Variants in CALML5 observed in about 807,000 individuals in gnomAD.
CALML5 encodes calmodulin-like protein 5.
For missense variants in CALML5, 207 were observed against 206.6 expected, an observed-to-expected ratio of 1.00 and a Z score of -0.01; for synonymous variants, 101 against 96.8, an observed-to-expected ratio of 1.04 and a Z score of -0.25.
In CALML5 at chr10:5,498,935, A is replaced by C; in HGVS notation, c.*63T>G. The C allele has an allele frequency of 7.6e-7, 1 of 1,318,518 alleles. No individual in the cohort carries two copies. Among genetic ancestry groups the C allele is most frequent in the South Asian group, 1.5e-5 (1 of 67,282 alleles). The allele number at this position is 1,318,518 out of a possible 1,614,324, so 81.7% of individuals were successfully genotyped here. A position where few individuals can be genotyped will look rare whatever the true frequency, so the allele number is the denominator to read the frequency against. ...TTTCCCCGGAGAGTCCCAGCACAAA[A>C]GCAGCAGCGGGCGGTGGCCCTGAAG... On this transcript the variant is annotated 3_prime_UTR_variant, in exon 1 of 1. Coordinates refer to ENST00000380332, the MANE Select transcript of CALML5 (RefSeq NM_017422.5).
At position 5,499,483 on chromosome 10, in the gene CALML5, C is replaced by A. The variant is rs1833282764; in HGVS notation, c.-45G>T. On this transcript the variant is annotated 5_prime_UTR_variant, in exon 1 of 1. Transcript: ENST00000380332. ...CGCGGAGCCTCCGAGCTGCTGCCCACCGGCCCTCAACCTGCTGCTCTCAGA... is the reference window on the plus strand; with the variant it reads ...CGCGGAGCCTCCGAGCTGCTGCCCAACGGCCCTCAACCTGCTGCTCTCAGA... 6.5e-7 allele frequency: 1 copy of A among 1,540,280 alleles called. No individual in the cohort carries two copies. The highest frequency in any genetic ancestry group is 1.4e-5 in the African/African-American group (1 of 73,256).
In CALML5 at chr10:5,498,968, G is replaced by A. The variant is rs1194849116; in HGVS notation, c.*30C>T. On this transcript the variant is annotated 3_prime_UTR_variant, in exon 1 of 1. Transcript: ENST00000380332. The stretch of plus-strand genomic sequence containing the variant: ...CGGGCGGTGGCCCTGAAGGCTCAGA[G>A]CGCAGCCAGGGGGACACAGGCGGGG... The A allele has an allele frequency of 6.0e-6, 9 of 1,492,646 alleles. No homozygotes were observed. In the African/African-American group the frequency reaches 1.2e-4, roughly 20 times the overall value. The allele number at this position is 1,492,646 out of a possible 1,614,324, so 92.5% of individuals were successfully genotyped here.
rs1315789830 is a variant in CALML5, at chr10:5,498,808, A to G, written c.*190T>C. The G allele has an allele frequency of 5.0e-6, 3 of 596,410 alleles. No homozygotes were observed. The highest frequency in any genetic ancestry group is 8.8e-6 in the Non-Finnish European group (3 of 340,384). 36.9% of individuals were successfully genotyped at this position (596,410 alleles called of 1,614,324 possible). ...AGGCCTCCTTCTGCCCAAGGTCTGG[A>G]GGCAGAGAGGGGCTCGCAGGCGGCC... On this transcript the variant is annotated 3_prime_UTR_variant, in exon 1 of 1. Transcript: ENST00000380332.
At position 5,499,026 on chromosome 10, in the gene CALML5, T is replaced by C; in HGVS notation, c.413A>G (p.Glu138Gly). Residue 138 changes from glutamate to glycine, a missense_variant, in exon 1 of 1, where the codon GAG (glutamate) becomes GGG (glycine). Physicochemically the swap from Glu to Gly is moderately conservative, Grantham distance 98. Transcript: ENST00000380332. ...VDQDGRVNYE[E>G]FARMLAQE ...CTCCTGGGCGAGCATCCTCGCGAAC[T>C]CCTCGTAGTTCACCCGCCCGTCCTG... 6.3e-7 allele frequency: 1 copy of C among 1,580,634 alleles called. No individual in the cohort carries two copies. The highest frequency in any genetic ancestry group is 8.6e-7 in the Non-Finnish European group (1 of 1,167,118).
Position 5,499,093 on chromosome 10 carries a change from G to A in CALML5, c.346C>T (p.Gln116Ter), listed in dbSNP as rs374977723. ...AMAGLGQPLP[Q>*]EELDAMIREA... is the part of the protein sequence containing the mutation. The stretch of plus-strand genomic sequence containing the variant: ...CGGATCATGGCGTCCAGCTCCTCCT[G>A]CGGCAGCGGCTGCCCCAGCCCCGCC... The change falls in exon 1 of 1, where the codon CAG becomes TAG. Residue 116 changes from glutamine to a stop codon, truncating the protein, a stop_gained. Coordinates refer to ENST00000380332, the MANE Select transcript of CALML5 (RefSeq NM_017422.5). LOFTEE classifies it low-confidence loss of function (END_TRUNC). The A allele has an allele frequency of 1.3e-6, 2 of 1,598,818 alleles. No homozygotes were observed. Among genetic ancestry groups the A allele is most frequent in the South Asian group, 1.1e-5 (1 of 90,714 alleles).
Position 5,499,385 on chromosome 10 carries a change from G to A in CALML5, c.54C>T (p.Ser18=), listed in dbSNP as rs377606833. ...EEEAQYKKAF[S]AVDTDGNGTI... The stretch of plus-strand genomic sequence containing the variant: ...TGCCGTTTCCATCCGTGTCAACCGC[G>A]GAGAAAGCCTTTTTGTACTGGGCCT... The change falls in exon 1 of 1, where the codon TCC becomes TCT. Residue 18 remains serine, a synonymous_variant. Coordinates refer to ENST00000380332, the MANE Select transcript of CALML5 (RefSeq NM_017422.5). The A allele has an allele frequency of 3.5e-5, 56 of 1,614,158 alleles. No individual in the cohort carries two copies. The African/African-American group carries it at 5.5e-4, about 16-fold the overall frequency.
At position 5,498,823 on chromosome 10, in the gene CALML5, C is replaced by A; in HGVS notation, c.*175G>T. 1.6e-6 allele frequency: 1 copy of A among 615,066 alleles called. No individual in the cohort carries two copies. The highest frequency in any genetic ancestry group is 2.8e-6 in the Non-Finnish European group (1 of 355,784). The allele number at this position is 615,066 out of a possible 1,614,324, so 38.1% of individuals were successfully genotyped here. A position where few individuals can be genotyped will look rare whatever the true frequency, so the allele number is the denominator to read the frequency against. On this transcript the variant is annotated 3_prime_UTR_variant, in exon 1 of 1. Transcript: ENST00000380332. Reference sequence around the variant, plus strand: ...CAAGGTCTGGAGGCAGAGAGGGGCTCGCAGGCGGCCCGAGGGCGCCGCATC... The same window carrying A: ...CAAGGTCTGGAGGCAGAGAGGGGCTAGCAGGCGGCCCGAGGGCGCCGCATC...
In CALML5 at chr10:5,498,880, G is replaced by C. The variant is rs1036852199; in HGVS notation, c.*118C>G. The C allele has an allele frequency of 8.0e-5, 73 of 912,474 alleles. 1 individual carries two copies. The East Asian group carries it at 8.1e-4, about 10-fold the overall frequency. The allele number at this position is 912,474 out of a possible 1,614,324, so 56.5% of individuals were successfully genotyped here. On this transcript the variant is annotated 3_prime_UTR_variant, in exon 1 of 1. Coordinates refer to ENST00000380332, the MANE Select transcript of CALML5 (RefSeq NM_017422.5). Reference sequence around the variant, plus strand: ...CCGGAGCGCAAAGCCTTCCTCCCAGGGGGAGGCAGTTTCCCATCCACCGAC... The same window carrying C: ...CCGGAGCGCAAAGCCTTCCTCCCAGCGGGAGGCAGTTTCCCATCCACCGAC...
chr10:5,498,829 C>G lies in CALML5; in HGVS notation c.*169G>C. 3.2e-6 allele frequency: 2 copies of G among 626,406 alleles called. No homozygotes were observed. The highest frequency in any genetic ancestry group is 2.0e-5 in the South Asian group (1 of 49,292). The allele number at this position is 626,406 out of a possible 1,614,324, so 38.8% of individuals were successfully genotyped here. On this transcript the variant is annotated 3_prime_UTR_variant, in exon 1 of 1. Coordinates refer to ENST00000380332, the MANE Select transcript of CALML5 (RefSeq NM_017422.5). ...CTGGAGGCAGAGAGGGGCTCGCAGG[C>G]GGCCCGAGGGCGCCGCATCCAGGCC... is the stretch of plus-strand genomic sequence containing the variant.
In CALML5 at chr10:5,499,068, C is replaced by T. The variant is rs747259829; in HGVS notation, c.371G>A (p.Arg124His). The change falls in exon 1 of 1, where the codon CGC becomes CAC. Residue 124 changes from arginine to histidine, a missense_variant. Coordinates refer to ENST00000380332, the MANE Select transcript of CALML5 (RefSeq NM_017422.5). Reference sequence around the variant, plus strand: ...CCCGTCCTGGTCCACGTCGGCCTCGCGGATCATGGCGTCCAGCTCCTCCTG... The same window carrying T: ...CCCGTCCTGGTCCACGTCGGCCTCGTGGATCATGGCGTCCAGCTCCTCCTG... ...LPQEELDAMI[R>H]EADVDQDGRV... The T allele has an allele frequency of 3.1e-6, 5 of 1,598,364 alleles. No homozygotes were observed. Among genetic ancestry groups the T allele is most frequent in the South Asian group, 2.2e-5 (2 of 90,278 alleles).
At position 5,498,858 on chromosome 10, in the gene CALML5, G is replaced by C. The variant is rs1833269732; in HGVS notation, c.*140C>G. On this transcript the variant is annotated 3_prime_UTR_variant, in exon 1 of 1. Transcript: ENST00000380332. ...CCGAGGGCGCCGCATCCAGGCCCCGGAGCGCAAAGCCTTCCTCCCAGGGGG... is the reference window on the plus strand; with the variant it reads ...CCGAGGGCGCCGCATCCAGGCCCCGCAGCGCAAAGCCTTCCTCCCAGGGGG... 16 of 762,376 alleles carry C rather than the reference G, an allele frequency of 2.1e-5. No individual in the cohort carries two copies. Among genetic ancestry groups the C allele is most frequent in the Non-Finnish European group, 3.3e-5 (16 of 488,412 alleles). 47.2% of individuals were successfully genotyped at this position (762,376 alleles called of 1,614,324 possible).
At position 5,499,307 on chromosome 10, in the gene CALML5, G is replaced by C. The variant is rs755228272; in HGVS notation, c.132C>G (p.Leu44=). The C allele has an allele frequency of 1.4e-5, 22 of 1,614,044 alleles. No individual in the cohort carries two copies. Among genetic ancestry groups the C allele is most frequent in the Non-Finnish European group, 1.7e-5 (20 of 1,180,010 alleles). ...GAALKATGKN[L]SEAQLRKLIS... ...TGAGTTTCCTTAGCTGGGCCTCCGA[G>C]AGGTTCTTGCCCGTGGCCTTCAGCG... The change falls in exon 1 of 1, where the codon CTC becomes CTG. Residue 44 remains leucine, a synonymous_variant. Coordinates refer to ENST00000380332, the MANE Select transcript of CALML5 (RefSeq NM_017422.5).
chr10:5,498,837 G>C lies in CALML5; in HGVS notation c.*161C>G. 1 of 655,796 alleles carries C rather than the reference G, an allele frequency of 1.5e-6. No individual in the cohort carries two copies. Among genetic ancestry groups the C allele is most frequent in the African/African-American group, 1.8e-5 (1 of 54,738 alleles). The allele number at this position is 655,796 out of a possible 1,614,324, so 40.6% of individuals were successfully genotyped here. A position where few individuals can be genotyped will look rare whatever the true frequency, so the allele number is the denominator to read the frequency against. ...AGAGAGGGGCTCGCAGGCGGCCCGA[G>C]GGCGCCGCATCCAGGCCCCGGAGCG... On this transcript the variant is annotated 3_prime_UTR_variant, in exon 1 of 1. Transcript: ENST00000380332.
rs893339664 is a variant in CALML5, at chr10:5,499,191, A to T, written c.248T>A (p.Leu83Gln). ...GTCGAAGGCGCGGAAGGCGACCTGC[A>T]GGTCCTCCAGGCCGGCCCTGGCCTT... is the stretch of plus-strand genomic sequence containing the variant. ...AKKARAGLED[L>Q]QVAFRAFDQD... The change falls in exon 1 of 1, where the codon CTG becomes CAG. Residue 83 changes from leucine (L) to glutamine (Q), a missense_variant. By Grantham distance (113) the Leu-to-Gln change is moderately radical (BLOSUM62 -2). Coordinates refer to ENST00000380332, the MANE Select transcript of CALML5 (RefSeq NM_017422.5). 1 of 1,611,570 alleles carries T rather than the reference A, an allele frequency of 6.2e-7. No individual in the cohort carries two copies. Among genetic ancestry groups the T allele is most frequent in the Admixed American group, 1.7e-5 (1 of 60,028 alleles).
In CALML5 at chr10:5,499,080, T is replaced by C; in HGVS notation, c.359A>G (p.Asp120Gly). The change falls in exon 1 of 1, where the codon GAC (aspartate) becomes GGC (glycine). Residue 120 changes from aspartate to glycine, a missense_variant. Asp to Gly is a moderately conservative substitution (Grantham distance 94, BLOSUM62 -1). Transcript: ENST00000380332. The stretch of plus-strand genomic sequence containing the variant: ...CACGTCGGCCTCGCGGATCATGGCG[T>C]CCAGCTCCTCCTGCGGCAGCGGCTG... ...LGQPLPQEEL[D>G]AMIREADVDQ... 6.3e-7 allele frequency: 1 copy of C among 1,599,836 alleles called. No individual in the cohort carries two copies. The highest frequency in any genetic ancestry group is 8.5e-7 in the Non-Finnish European group (1 of 1,178,446).
In CALML5 at chr10:5,498,901, C is replaced by A; in HGVS notation, c.*97G>T. 2 of 1,090,480 alleles carry A rather than the reference C, an allele frequency of 1.8e-6. No individual in the cohort carries two copies. The highest frequency in any genetic ancestry group is 2.6e-6 in the Non-Finnish European group (2 of 784,148). 67.6% of individuals were successfully genotyped at this position (1,090,480 alleles called of 1,614,324 possible). ...CCAGGGGGAGGCAGTTTCCCATCCA[C>A]CGACCAGGTTTCCCCGGAGAGTCCC... On this transcript the variant is annotated 3_prime_UTR_variant, in exon 1 of 1. Coordinates refer to ENST00000380332, the MANE Select transcript of CALML5 (RefSeq NM_017422.5).
chr10:5,499,471 AGCT>A lies in CALML5; in HGVS notation c.-36_-34del. The A allele has an allele frequency of 6.3e-7, 1 of 1,576,936 alleles. No individual in the cohort carries two copies. Among genetic ancestry groups the A allele is most frequent in the Non-Finnish European group, 8.7e-7 (1 of 1,154,260 alleles). On this transcript the variant is annotated 5_prime_UTR_variant, in exon 1 of 1. Coordinates refer to ENST00000380332, the MANE Select transcript of CALML5 (RefSeq NM_017422.5). ...TCTCCTGCACCTCGCGGAGCCTCCG[AGCT>A]GCTGCCCACCGGCCCTCAACCTGCT...
rs772442311 is a variant in CALML5, at chr10:5,499,409, C to A, written c.30G>T (p.Glu10Asp). 6.2e-7 allele frequency: 1 copy of A among 1,613,958 alleles called. No homozygotes were observed. The highest frequency in any genetic ancestry group is 1.1e-5 in the South Asian group (1 of 91,082). The stretch of plus-strand genomic sequence containing the variant: ...CGGAGAAAGCCTTTTTGTACTGGGC[C>A]TCCTCCTCAGGAGTCAGCTCACCGG... MAGELTPEE[E>D]AQYKKAFSAV... The change falls in exon 1 of 1, where the codon GAG becomes GAT. Residue 10 changes from glutamate to aspartate, a missense_variant. Transcript: ENST00000380332.
Position 5,498,825 on chromosome 10 carries a change from C to G in CALML5, c.*173G>C, listed in dbSNP as rs957633089. On this transcript the variant is annotated 3_prime_UTR_variant, in exon 1 of 1. Coordinates refer to ENST00000380332, the MANE Select transcript of CALML5 (RefSeq NM_017422.5). ...AGGTCTGGAGGCAGAGAGGGGCTCG[C>G]AGGCGGCCCGAGGGCGCCGCATCCA... 1.6e-6 allele frequency: 1 copy of G among 619,088 alleles called. No individual in the cohort carries two copies. Among genetic ancestry groups the G allele is most frequent in the Non-Finnish European group, 2.8e-6 (1 of 359,488 alleles). 38.3% of individuals were successfully genotyped at this position (619,088 alleles called of 1,614,324 possible).
Sources: allele counts gnomAD v4.1 joint callset, GRCh38; gene constraint gnomAD v4.1.1; transcripts MANE v1.5; gene names NCBI Gene and HGNC (gene_info 2026-07-23, HGNC 2026-07-21).